The following SORCS2 variants were observed in gnomAD, a reference collection of about 807,000 sequenced individuals.
The protein encoded by SORCS2 is VPS10 domain-containing receptor SorCS2.
SORCS2 carries 100 observed loss-of-function variants against 141.6 expected under a neutral mutation model. That is an observed-to-expected ratio of 0.71 (90% CI 0.60 to 0.83). SORCS2 has a LOEUF of 0.83. Among genes scored for constraint, SORCS2 ranks in the 40% least tolerant of loss-of-function variants. SORCS2 has a pLI of 0.00. For synonymous variants in SORCS2, 789 were observed against 676.9 expected, an observed-to-expected ratio of 1.17 and a Z score of -2.57; for missense variants, 1,646 against 1,560.2, an observed-to-expected ratio of 1.05 and a Z score of -0.93.
At chr4:7,252,752 G>A (rs1187567302) in intron 1 of SORCS2, among the ~76,000 whole-genome samples, 3 of 152,162 alleles carry the variant, frequency 2.0e-5, no homozygotes, top group Non-Finnish European at 4.4e-5. Flanking sequence ...AGGCATGGAG[G>A]GCCCTTCCTC....
chr4:7,708,690 C>G (rs1018333487), intron 14 of SORCS2, among the ~76,000 whole-genome samples: 2 of 152,204 alleles, frequency 1.3e-5, no homozygotes, highest in African/African-American at 4.8e-5. Flanking sequence ...CTTTAGTGAG[C>G]GCCCCACTGC....
At chr4:7,379,429 G>C (rs1268802177) in intron 1 of SORCS2, among the ~76,000 whole-genome samples, 1 of 152,218 alleles carries the variant, frequency 6.6e-6, no homozygotes, top group African/African-American at 2.4e-5. Flanking sequence ...CGTGAGGAGG[G>C]CCTTCGGGAG....
intron 12 of SORCS2, 68 bp downstream of exon 12, chr4:7,697,342 G>A (rs1294293003): frequency 2.2e-6 from 3 of 1,334,658 alleles, no homozygotes; most frequent in Middle Eastern, 2.3e-4. Flanking sequence ...AGACACTTCT[G>A]TTCTGTCATC....
At chr4:7,304,928 C>T (rs1028566727) in intron 1 of SORCS2, among the ~76,000 whole-genome samples, 6 of 152,224 alleles carry the variant, frequency 3.9e-5, no homozygotes, top group Non-Finnish European at 8.8e-5. Flanking sequence ...AGGCTTCATG[C>T]TGGAGGCATC....
At chr4:7,724,667 T>G (rs1459502956) in intron 19 of SORCS2, among the ~76,000 whole-genome samples, 3 of 134,154 alleles carry the variant, frequency 2.2e-5, no homozygotes, top group Non-Finnish European at 3.3e-5. Flanking sequence ...GTTATGGTGA[T>G]AATGGTGGTA....
intron 2 of SORCS2, chr4:7,434,451 C>T (rs1488182247): frequency 3.1e-6 from 5 of 1,610,510 alleles, no homozygotes; most frequent in Admixed American, 1.7e-5. Context: ...GGTGCCTCTG[C>T]AGCGGCTCAC....
chr4:7,589,063 G>A (rs1320734423), intron 3 of SORCS2, among the ~76,000 whole-genome samples: 2 of 152,138 alleles, frequency 1.3e-5, no homozygotes, highest in Admixed American at 1.3e-4. Flanking sequence ...GTGAGCTGCC[G>A]GGTGACCCTG....
intron 23 of SORCS2, among the ~76,000 whole-genome samples, chr4:7,731,841 CTG>C: frequency 6.6e-6 from 1 of 152,334 alleles, no homozygotes; most frequent in South Asian, 2.1e-4. Flanking sequence ...AGACCTGAAT[CTG>C]TAAAAACACC....
At chr4:7,238,509 C>T (rs1288551756) in intron 1 of SORCS2, among the ~76,000 whole-genome samples, 1 of 152,190 alleles carries the variant, frequency 6.6e-6, no homozygotes, top group Admixed American at 6.5e-5. Context: ...GCGCTGTGAG[C>T]TCAGAGCAGC....
rs1229212961 is a variant in SORCS2 at position 7,461,900 on chromosome 4, T to A, written c.548+65545T>A. 3.0e-5 allele frequency among the ~76,000 whole-genome samples: 3 copies of A among 101,552 alleles called. No individual in the cohort carries two copies. In the Admixed American group the frequency reaches 3.0e-4, roughly 10 times the overall value. 66.6% of individuals were successfully genotyped at this position (101,552 alleles called of 152,430 possible). ...GCTTCCAGGCACACCTGGGAGGTGCTGTCCCGCAGGCTTCAGTGCCTCTGC... is the reference window on the plus strand; with the variant it reads ...GCTTCCAGGCACACCTGGGAGGTGCAGTCCCGCAGGCTTCAGTGCCTCTGC... On this transcript the variant is annotated intron_variant, in intron 2 of 26. Transcript: ENST00000507866.
chr4:7,380,302 G>GA (rs1722907047), intron 1 of SORCS2, among the ~76,000 whole-genome samples: 1 of 146,416 alleles, frequency 6.8e-6, no homozygotes, highest in African/African-American at 2.8e-5. Flanking sequence ...ATTCACAGGG[G>GA]ACAGGCTTTT....
intron 19 of SORCS2, among the ~76,000 whole-genome samples, chr4:7,724,521 G>GACA (rs2148879753): frequency 6.7e-6 from 1 of 148,824 alleles, no homozygotes; most frequent in African/African-American, 2.5e-5. Context: ...TGATGGTGGT[G>GACA]ATAGGGTGGT....
intron 8 of SORCS2, among the ~76,000 whole-genome samples, chr4:7,674,170 C>T (rs1425377243): frequency 1.3e-5 from 2 of 152,214 alleles, no homozygotes; most frequent in East Asian, 3.9e-4. Context: ...TTCCCTGGTT[C>T]TGTGTGTCTC....
intron 1 of SORCS2, among the ~76,000 whole-genome samples, chr4:7,317,932 C>T (rs568713059): frequency 2.0e-4 from 30 of 152,294 alleles, no homozygotes; most frequent in Non-Finnish European, 4.3e-4. Context: ...TGTTGAAGTC[C>T]GAACCCCTAG....
chr4:7,393,916 G>GGGTCCTTCTCCTTGATGACTGCCGAGTCA (rs1432891949), intron 1 of SORCS2, among the ~76,000 whole-genome samples: 17 of 152,250 alleles, frequency 1.1e-4, no homozygotes, highest in African/African-American at 3.6e-4. Flanking sequence ...CCTCACTTCA[G>GGGTCCTTCTCCTTGATGACTGCCGAGTCA]GGTCCTTCTC....
intron 9 of SORCS2, among the ~76,000 whole-genome samples, chr4:7,679,764 T>C (rs1723396646): frequency 6.6e-6 from 1 of 151,774 alleles, no homozygotes; most frequent in Admixed American, 6.6e-5. Context: ...TTTTTTTTTT[T>C]TTTTTACAGC....
intron 2 of SORCS2, among the ~76,000 whole-genome samples, chr4:7,504,990 C>T (rs1333522760): frequency 6.6e-6 from 1 of 152,166 alleles, no homozygotes; most frequent in Non-Finnish European, 1.5e-5. Flanking sequence ...AGCCAGGGGA[C>T]CGAACCCTCC....
chr4:7,371,803 G>A (rs572074360), intron 1 of SORCS2, among the ~76,000 whole-genome samples: 32 of 152,314 alleles, frequency 2.1e-4, no homozygotes, highest in Non-Finnish European at 3.8e-4. Context: ...GTAGCTGCAC[G>A]CCCAGGCCTC....
intron 2 of SORCS2, among the ~76,000 whole-genome samples, chr4:7,497,488 G>C (rs1259117302): frequency 6.6e-6 from 1 of 152,242 alleles, no homozygotes; most frequent in Non-Finnish European, 1.5e-5. Flanking sequence ...TCCTTGGCAG[G>C]AGATGGACCT....
Sources: gnomAD v4.1 joint callset for allele counts (sites outside exome capture counted in the v4.1 genomes callset) on GRCh38, gnomAD v4.1.1 for gene constraint, MANE v1.5 for transcripts, NCBI Gene and HGNC (gene_info 2026-07-23, HGNC 2026-07-21) for gene names.